The following MISP variants were observed in gnomAD, a reference collection of about 807,000 sequenced individuals.
MISP encodes the protein mitotic interactor and substrate of PLK1.
In MISP, 51 loss-of-function variants were observed where a neutral mutation model predicts 49.3. The ratio of observed to expected loss-of-function variants is 1.03; its 90% CI spans 0.83 to 1.31. The LOEUF is 1.31. Among genes scored for constraint, MISP ranks in the 50% most tolerant of loss-of-function variants. MISP has a pLI of 0.00. For missense variants in MISP, 1,084 were observed against 935.1 expected, an observed-to-expected ratio of 1.16 and a Z score of -2.08; for synonymous variants, 444 against 392.6, an observed-to-expected ratio of 1.13 and a Z score of -1.55.
chr19:758,466 G>A lies in MISP; in HGVS notation c.1520G>A (p.Arg507His), dbSNP rs148990121. Reference protein sequence around the residue: ...GVVRWEYFRLRPLRFRAPDEP... With the variant: ...GVVRWEYFRLHPLRFRAPDEP... ...GTGCGGTGGGAGTACTTCCGCCTGC[G>A]TCCTCTGCGGTTCAGGGCCCCAGAC... Residue 507 changes from arginine to histidine, a missense_variant, in exon 2 of 5, where the codon CGT becomes CAT. Transcript: ENST00000215582. 72 of 1,613,988 alleles carry A rather than the reference G, an allele frequency of 4.5e-5. No individual in the cohort carries two copies. The highest frequency in any genetic ancestry group is 2.0e-4 in the Admixed American group (12 of 59,996).
At chr19:749,195 G>A (rs115591549), upstream of MISP, among the ~76,000 whole-genome samples, 195 of 152,300 alleles carry the variant, frequency 1.3e-3, 1 homozygote, top group Middle Eastern at 3.4e-3. Context: ...CAGCCTGGGC[G>A]TGGGACGTCT....
Position 758,057 on chromosome 19 carries a change from C to A in MISP, c.1111C>A (p.His371Asn). The A allele has an allele frequency of 1.3e-6, 2 of 1,567,938 alleles. No individual in the cohort carries two copies. The highest frequency in any genetic ancestry group is 1.7e-6 in the Non-Finnish European group (2 of 1,159,368). The change falls in exon 2 of 5, where the codon CAC (histidine) becomes AAC (asparagine). Residue 371 changes from histidine to asparagine, a missense_variant. By Grantham distance (68) the His-to-Asn change is moderately conservative (BLOSUM62 1). Transcript: ENST00000215582. ...GGAAGACCACCGGCGGGAGGGCCTG[C>A]ACGTGGGCCGGGCGTCCACACCCGA... ...REEDHRREGL[H>N]VGRASTPDWV...
Position 757,797 on chromosome 19 carries a change from C to A in MISP, c.851C>A (p.Ser284Tyr). Residue 284 changes from serine (S) to tyrosine (Y), a missense_variant, in exon 2 of 5, where the codon TCC becomes TAC. Ser to Tyr is a moderately radical substitution (Grantham distance 144). Transcript: ENST00000215582. ...CCTGGCTCCTTGGCCTCAGTGGAGT[C>A]CCCGGGGACCCCCAAGGAGACGCCC... is the stretch of plus-strand genomic sequence containing the variant. ...DDPGSLASVE[S>Y]PGTPKETPIE... 2.5e-6 allele frequency: 4 copies of A among 1,611,818 alleles called. No homozygotes were observed. Among genetic ancestry groups the A allele is most frequent in the Non-Finnish European group, 3.4e-6 (4 of 1,178,766 alleles).
chr19:750,737 C>T (rs1036837114), upstream of MISP, among the ~76,000 whole-genome samples: 2 of 152,120 alleles, frequency 1.3e-5, no homozygotes, highest in Admixed American at 6.5e-5. Flanking sequence ...AAGGCACGGA[C>T]GGGATTGGGA....
At position 757,508 on chromosome 19, in the gene MISP, A is replaced by T. The variant is rs962776128; in HGVS notation, c.562A>T (p.Arg188Trp). 4.4e-6 allele frequency: 7 copies of T among 1,606,424 alleles called. No individual in the cohort carries two copies. The highest frequency in any genetic ancestry group is 1.3e-5 in the African/African-American group (1 of 74,896). Residue 188 changes from arginine (R) to tryptophan (W), a missense_variant, in exon 2 of 5, where the codon AGG (arginine) becomes TGG (tryptophan). Arg to Trp is a moderately radical substitution (Grantham distance 101). Transcript: ENST00000215582. ...STPLEENVVDREQIDFLAARQ... is the reference protein window; with the variant it reads ...STPLEENVVDWEQIDFLAARQ... ...GCCCCTGGAGGAGAACGTGGTTGAC[A>T]GGGAGCAGATTGACTTCCTGGCAGC... is the stretch of plus-strand genomic sequence containing the variant.
chr19:757,678 G>A lies in MISP; in HGVS notation c.732G>A (p.Val244=). 6.2e-7 allele frequency: 1 copy of A among 1,613,750 alleles called. No homozygotes were observed. Among genetic ancestry groups the A allele is most frequent in the South Asian group, 1.1e-5 (1 of 91,056 alleles). Reference sequence around the variant, plus strand: ...AGCCCCACCTGGCCAACGGGCACGTGGTTCCCATCAAGCCCCAGGTGAAGG... The same window carrying A: ...AGCCCCACCTGGCCAACGGGCACGTAGTTCCCATCAAGCCCCAGGTGAAGG... The part of the protein sequence containing the change: ...FNKPHLANGH[V]VPIKPQVKGV... The change falls in exon 2 of 5, where the codon GTG becomes GTA. Residue 244 remains valine (V), a synonymous_variant. Transcript: ENST00000215582.
chr19:757,126 C>T lies in MISP; in HGVS notation c.180C>T (p.Gly60=), dbSNP rs376068884. The T allele has an allele frequency of 5.6e-6, 9 of 1,613,148 alleles. No homozygotes were observed. Among genetic ancestry groups the T allele is most frequent in the East Asian group, 4.5e-5 (2 of 44,900 alleles). The change falls in exon 2 of 5, where the codon GGC becomes GGT. Residue 60 remains glycine (G), a synonymous_variant. Transcript: ENST00000215582. ...TWPTDHRAQQ[G]VQRQGVSYSV... is the part of the protein sequence containing the mutation. Reference sequence around the variant, plus strand: ...CCACTGACCACAGGGCCCAGCAGGGCGTGCAGAGGCAGGGGGTGTCCTACA... The same window carrying T: ...CCACTGACCACAGGGCCCAGCAGGGTGTGCAGAGGCAGGGGGTGTCCTACA...
In MISP at chr19:758,024, C is replaced by A; in HGVS notation, c.1078C>A (p.Gln360Lys). ...YVQRDIVQET[Q>K]REEDHRREGL... ...GCAGCGGGACATAGTACAGGAGACA[C>A]AGCGTGAGGAAGACCACCGGCGGGA... Residue 360 changes from glutamine to lysine, a missense_variant, in exon 2 of 5, where the codon CAG (glutamine) becomes AAG (lysine). Gln to Lys is a moderately conservative substitution (Grantham distance 53). Coordinates refer to ENST00000215582, the MANE Select transcript of MISP (RefSeq NM_173481.4). 1 of 1,570,252 alleles carries A rather than the reference C, an allele frequency of 6.4e-7. No homozygotes were observed.
intron 3 of MISP, among the ~76,000 whole-genome samples, chr19:761,307 C>T (rs577747774): frequency 7.2e-4 from 108 of 150,664 alleles, no homozygotes; most frequent in African/African-American, 2.6e-3. Flanking sequence ...TGCAGTGAGC[C>T]GAGATCGCAC....
At chr19:754,185 CTG>C (rs1420220036) in intron 1 of MISP, among the ~76,000 whole-genome samples, 1 of 152,172 alleles carries the variant, frequency 6.6e-6, no homozygotes, top group Non-Finnish European at 1.5e-5. Context: ...GGTGTCCTGG[CTG>C]GGCGCGGTGG....
chr19:749,050 A>G (rs59945208), upstream of MISP, among the ~76,000 whole-genome samples: 1,053 of 152,318 alleles, frequency 6.9e-3, 14 homozygotes, highest in African/African-American at 0.024. Context: ...AGGCAGGAGA[A>G]TCGCTTGAAC....
Position 758,722 on chromosome 19 carries a change from A to T in MISP, c.1776A>T (p.Ala592=), listed in dbSNP as rs2033623409. The change falls in exon 2 of 5, where the codon GCA becomes GCT. Residue 592 remains alanine (A), a synonymous_variant. Transcript: ENST00000215582. Reference sequence around the variant, plus strand: ...AGAACTCCAGGAGCTCCTCCCAGGCATCCGGTGAGAAGGGGCTCCAGGGAG... The same window carrying T: ...AGAACTCCAGGAGCTCCTCCCAGGCTTCCGGTGAGAAGGGGCTCCAGGGAG... ...SDQNSRSSSQ[A]SGITGSYSVS... is the part of the protein sequence containing the mutation. 6.2e-7 allele frequency: 1 copy of T among 1,611,424 alleles called. No homozygotes were observed. The highest frequency in any genetic ancestry group is 1.1e-5 in the South Asian group (1 of 90,726).
rs111626501 is a variant in MISP, at chr19:754,333, G to A, written c.-57-2557G>A. On this transcript the variant is annotated intron_variant, in intron 1 of 4. Coordinates refer to ENST00000215582, the MANE Select transcript of MISP (RefSeq NM_173481.4). ...CAAAAAATTAGCCAGGCGTGGTGGC[G>A]GGCGCCCGTAGTCCCAGCTCTAGGG... 4.9e-3 allele frequency among the ~76,000 whole-genome samples: 748 copies of A among 152,308 alleles called. 5 individuals carry two copies. The highest frequency in any genetic ancestry group is 7.1e-3 in the Non-Finnish European group (481 of 68,024).
In MISP at chr19:757,257, A is replaced by G. The variant is rs766847243; in HGVS notation, c.311A>G (p.Gln104Arg). 2 of 1,613,912 alleles carry G rather than the reference A, an allele frequency of 1.2e-6. No homozygotes were observed. The highest frequency in any genetic ancestry group is 1.7e-6 in the Non-Finnish European group (2 of 1,179,970). Residue 104 changes from glutamine (Q) to arginine (R), a missense_variant, in exon 2 of 5, where the codon CAG becomes CGG. Physicochemically the swap from Gln to Arg is conservative, Grantham distance 43 (BLOSUM62 1). Coordinates refer to ENST00000215582, the MANE Select transcript of MISP (RefSeq NM_173481.4). ...VYRLGARDAHQGRPTWALRPE... is the reference protein window; with the variant it reads ...VYRLGARDAHRGRPTWALRPE... ...CGCCTGGGCGCCAGGGATGCCCACC[A>G]GGGACGTCCAACATGGGCACTCCGC... is the stretch of plus-strand genomic sequence containing the variant.
chr19:753,753 C>G (rs887090968), intron 1 of MISP, among the ~76,000 whole-genome samples: 1 of 151,692 alleles, frequency 6.6e-6, no homozygotes. Context: ...CTTGGTGGCC[C>G]GGGAGCGACA....
At chr19:755,359 C>T (rs543881950) in intron 1 of MISP, among the ~76,000 whole-genome samples, 4 of 152,266 alleles carry the variant, frequency 2.6e-5, no homozygotes, top group South Asian at 2.1e-4. Flanking sequence ...GGCTTTATGG[C>T]GACAAGGCCC....
upstream of MISP, among the ~76,000 whole-genome samples, chr19:749,845 G>T (rs1311691861): frequency 6.6e-6 from 1 of 151,426 alleles, no homozygotes; most frequent in Admixed American, 6.6e-5. Flanking sequence ...CACAAAAAAA[G>T]CACCCCCCTC....
chr19:748,931 G>T (rs141400383), upstream of MISP, among the ~76,000 whole-genome samples: 1 of 152,216 alleles, frequency 6.6e-6, no homozygotes, highest in Non-Finnish European at 1.5e-5. Context: ...AAGGTCAAGA[G>T]ATCGATACCA....
intron 1 of MISP, among the ~76,000 whole-genome samples, chr19:752,239 G>A (rs2033470126): frequency 6.6e-6 from 1 of 152,164 alleles, no homozygotes. Context: ...GCCTTGCAGG[G>A]GCCATCTTCC....
Sources: gnomAD v4.1 joint callset for allele counts (sites outside exome capture counted in the v4.1 genomes callset) on GRCh38, gnomAD v4.1.1 for gene constraint, MANE v1.5 for transcripts, NCBI Gene and HGNC (gene_info 2026-07-23, HGNC 2026-07-21) for gene names.